FGFR2: variants seen among roughly 807,000 people sequenced by gnomAD.
FGFR2 encodes the protein BEK fibroblast growth factor receptor.
Under a neutral mutation model 95.9 loss-of-function variants are expected in FGFR2, and 19 were observed. The observed-to-expected ratio is 0.20, with a 90% CI of 0.14 to 0.29. The LOEUF (loss-of-function observed/expected upper bound fraction) is 0.29, where lower values mean the gene tolerates loss of function less well. FGFR2 is among the 10% of genes least tolerant of loss of function. FGFR2 has a pLI of 1.00. For missense variants in FGFR2, 707 were observed against 1,056.9 expected (o/e 0.67, Z 4.59); for synonymous variants, 392 against 393.3 (o/e 1.00, Z 0.04).
intron 2 of FGFR2, among the ~76,000 whole-genome samples, chr10:121,578,112 AC>A (rs1860223292): frequency 6.6e-6 from 1 of 151,938 alleles, no homozygotes; most frequent in African/African-American, 2.4e-5. Flanking sequence ...CTAACCCATC[AC>A]CCATGGTGCG....
chr10:121,568,672 G>GA (rs1858074046), intron 2 of FGFR2, among the ~76,000 whole-genome samples: 1 of 152,052 alleles, frequency 6.6e-6, no homozygotes, highest in African/African-American at 2.4e-5. Context: ...TTGTGATGCA[G>GA]AAAAAAATCT....
chr10:121,556,799 A>C (rs1310152206), intron 4 of FGFR2, among the ~76,000 whole-genome samples: 1 of 152,208 alleles, frequency 6.6e-6, no homozygotes, highest in East Asian at 1.9e-4. Flanking sequence ...TCCTAGATTA[A>C]GTCTCACAAA....
At chr10:121,589,411 T>TAA (rs951131594) in intron 2 of FGFR2, among the ~76,000 whole-genome samples, 2 of 152,220 alleles carry the variant, frequency 1.3e-5, no homozygotes, top group African/African-American at 4.8e-5. Context: ...AGTCTGATAT[T>TAA]AAAAACATCT....
intron 12 of FGFR2, among the ~76,000 whole-genome samples, chr10:121,497,642 G>A (rs746612907): frequency 3.3e-5 from 5 of 152,106 alleles, no homozygotes; most frequent in Non-Finnish European, 7.3e-5. Context: ...CCTTACACAC[G>A]TGTGCAATAA....
chr10:121,593,317 G>A (rs1444960011), intron 2 of FGFR2, among the ~76,000 whole-genome samples: 1 of 152,166 alleles, frequency 6.6e-6, no homozygotes, highest in Admixed American at 6.5e-5. Context: ...TCTTTTAGTG[G>A]TTCATCTTGT....
At chr10:121,480,556 G>A in intron 17 of FGFR2, 1 of 222,618 alleles carries the variant, frequency 4.5e-6, no homozygotes, top group Non-Finnish European at 9.1e-6. Context: ...GTAGTTTCGG[G>A]GATAATTGAA....
chr10:121,562,244 C>T (rs1490127944), intron 4 of FGFR2, among the ~76,000 whole-genome samples: 2 of 149,090 alleles, frequency 1.3e-5, no homozygotes, highest in Non-Finnish European at 2.9e-5. Context: ...TCTGTAGCAG[C>T]TTTATTTGCA....
At chr10:121,542,049 G>T (rs1255438546) in intron 5 of FGFR2, among the ~76,000 whole-genome samples, 1 of 152,018 alleles carries the variant, frequency 6.6e-6, no homozygotes, top group Non-Finnish European at 1.5e-5. Flanking sequence ...ATGAACTGAT[G>T]GAAAGTTCAT....
intron 17 of FGFR2, among the ~76,000 whole-genome samples, chr10:121,482,655 G>T (rs905767633): frequency 1.3e-5 from 2 of 152,080 alleles, no homozygotes; most frequent in South Asian, 2.1e-4. Flanking sequence ...GACTTGATGG[G>T]TTTATCATCT....
intron 13 of FGFR2, among the ~76,000 whole-genome samples, chr10:121,494,890 T>C (rs1402597638): frequency 6.6e-6 from 1 of 152,110 alleles, no homozygotes; most frequent in African/African-American, 2.4e-5. Flanking sequence ...CCAGTAATAT[T>C]ATACAGTCCA....
intron 4 of FGFR2, among the ~76,000 whole-genome samples, chr10:121,558,323 TG>T (rs1222563968): frequency 6.6e-6 from 1 of 152,214 alleles, no homozygotes; most frequent in African/African-American, 2.4e-5. Context: ...AATTAGCATA[TG>T]AAACTGCAAC....
intron 9 of FGFR2, among the ~76,000 whole-genome samples, chr10:121,513,300 T>C (rs766188757): frequency 2.6e-5 from 4 of 152,220 alleles, no homozygotes; most frequent in Non-Finnish European, 5.9e-5. Flanking sequence ...CAAGGATCCA[T>C]CCACAAGCAG....
Position 121,593,878 on chromosome 10 carries a change from C to T in FGFR2, c.-61G>A. 6.7e-7 allele frequency: 1 copy of T among 1,482,650 alleles called. No individual in the cohort carries two copies. Among genetic ancestry groups the T allele is most frequent in the Non-Finnish European group, 9.4e-7 (1 of 1,060,298 alleles). The allele number at this position is 1,482,650 out of a possible 1,614,324, so 91.8% of individuals were successfully genotyped here. On this transcript the variant is annotated 5_prime_UTR_variant, in exon 2 of 18. Coordinates refer to ENST00000358487, the MANE Select transcript of FGFR2 (RefSeq NM_000141.5). ...TCCATGTGGACGTTAATCCCATCTG[C>T]ACACTTCCTCTACGGGCATGGACTA...
intron 9 of FGFR2, among the ~76,000 whole-genome samples, chr10:121,514,466 C>A (rs1188293719): frequency 1.3e-5 from 2 of 152,156 alleles, no homozygotes; most frequent in African/African-American, 4.8e-5. Context: ...TAAAAACAAT[C>A]TGTTGCTGGT....
At chr10:121,488,610 T>G (rs1845741274) in intron 13 of FGFR2, among the ~76,000 whole-genome samples, 1 of 150,380 alleles carries the variant, frequency 6.6e-6, no homozygotes, top group Admixed American at 6.6e-5. Flanking sequence ...AGAAGACAGG[T>G]CAACTGGGAT....
At chr10:121,508,776 A>T (rs1848644538) in intron 9 of FGFR2, among the ~76,000 whole-genome samples, 1 of 152,262 alleles carries the variant, frequency 6.6e-6, no homozygotes, top group Admixed American at 6.5e-5. Context: ...AAAGGGTAAG[A>T]AAACGTGCAA....
chr10:121,569,932 A>C (rs1418151024), intron 2 of FGFR2, among the ~76,000 whole-genome samples: 3 of 152,226 alleles, frequency 2.0e-5, no homozygotes, highest in African/African-American at 7.2e-5. Flanking sequence ...GAATGCATGA[A>C]TAAACACACA....
chr10:121,564,665 G>A (rs1857423552), intron 3 of FGFR2, 86 bp from the exon 4 acceptor site: 5 of 1,233,482 alleles, frequency 4.1e-6, no homozygotes, highest in South Asian at 1.2e-5. Context: ...CTTCTCCATA[G>A]CAAAGTCAAC....
chr10:121,551,151 T>C lies in FGFR2; in HGVS notation c.624+139A>G, dbSNP rs3135745. On this transcript the variant is annotated intron_variant, in intron 5 of 17. Transcript: ENST00000358487. The stretch of plus-strand genomic sequence containing the variant: ...AGGAGAATCGCTTGAACCTGGGAGA[T>C]GGAGGTTGCAGTGAACCGAGATCGC... 38,657 of 919,652 alleles carry C rather than the reference T, an allele frequency of 0.042. 6,118 individuals carry two copies. In the African/African-American group the frequency reaches 0.43, roughly 10 times the overall value. 57.0% of individuals were successfully genotyped at this position (919,652 alleles called of 1,614,324 possible). A position where few individuals can be genotyped will look rare whatever the true frequency, so the allele number is the denominator to read the frequency against.
Sources: gnomAD v4.1 joint callset for allele counts (sites outside exome capture counted in the v4.1 genomes callset) on GRCh38, gnomAD v4.1.1 for gene constraint, MANE v1.5 for transcripts, NCBI Gene and HGNC (gene_info 2026-07-23, HGNC 2026-07-21) for gene names.